LYZL4: variants seen among roughly 807,000 people sequenced by gnomAD.
LYZL4 encodes lysozyme like 4, also known as lysozyme-like protein 4.
LYZL4 carries 13 observed loss-of-function variants against 17.6 expected under a neutral mutation model. That is an observed-to-expected ratio of 0.74 (90% CI 0.48 to 1.18). The LOEUF is 1.18. Among genes scored for constraint, LYZL4 ranks in the 50% most tolerant of loss-of-function variants. LYZL4 has a pLI of 0.00. For missense variants in LYZL4, 174 were observed against 188.2 expected (o/e 0.92, Z 0.44); for synonymous variants, 64 against 67.7 (o/e 0.95, Z 0.27).
the LYZL4 span, among the ~76,000 whole-genome samples, chr3:42,382,096 A>G: frequency 1.3e-5 from 2 of 152,252 alleles, no homozygotes; most frequent in African/African-American, 4.8e-5. Context: ...TAGGACACAT[A>G]CGGATCACCT....
At chr3:42,375,286 G>A in the LYZL4 span, among the ~76,000 whole-genome samples, 2 of 152,040 alleles carry the variant, frequency 1.3e-5, no homozygotes, top group East Asian at 1.9e-4. Flanking sequence ...TAGAATAGTC[G>A]ATCTAACCGT....
At chr3:42,384,178 A>G in the LYZL4 span, among the ~76,000 whole-genome samples, 3 of 152,328 alleles carry the variant, frequency 2.0e-5, no homozygotes, top group African/African-American at 7.2e-5. Flanking sequence ...CTAGAGGAAA[A>G]TTATTTTTGA....
intron 1 of LYZL4, among the ~76,000 whole-genome samples, chr3:42,408,475 G>A (rs1037820841): frequency 1.3e-5 from 2 of 152,046 alleles, no homozygotes; most frequent in South Asian, 2.1e-4. Flanking sequence ...GCCTCACCCC[G>A]GGTGCCAACT....
At chr3:42,394,535 A>G (rs920375369), downstream of LYZL4, among the ~76,000 whole-genome samples, 4 of 152,204 alleles carry the variant, frequency 2.6e-5, no homozygotes, top group African/African-American at 9.7e-5. Flanking sequence ...AGGTCTGTGT[A>G]ATATTTATAT....
chr3:42,372,275 G>C, the LYZL4 span, among the ~76,000 whole-genome samples: 8 of 152,288 alleles, frequency 5.3e-5, no homozygotes, highest in East Asian at 1.5e-3. Flanking sequence ...GGTTCTGTGG[G>C]CTCCATTTTC....
the LYZL4 span, among the ~76,000 whole-genome samples, chr3:42,361,509 C>T: frequency 6.6e-6 from 1 of 151,934 alleles, no homozygotes; most frequent in African/African-American, 2.4e-5. Context: ...TTAAGGTATT[C>T]CTCTTTTAAA....
intron 1 of LYZL4, among the ~76,000 whole-genome samples, chr3:42,410,078 C>T (rs1031819908): frequency 6.6e-5 from 10 of 152,132 alleles, no homozygotes; most frequent in African/African-American, 1.9e-4. Flanking sequence ...TCAAAGAAGA[C>T]GGTCTTTATT....
At chr3:42,394,212 G>T (rs1190030208), downstream of LYZL4, among the ~76,000 whole-genome samples, 1 of 152,222 alleles carries the variant, frequency 6.6e-6, no homozygotes. Flanking sequence ...TGTGAACTGG[G>T]CACCAACACG....
the LYZL4 span, among the ~76,000 whole-genome samples, chr3:42,372,631 G>T: frequency 1.3e-5 from 2 of 152,230 alleles, no homozygotes; most frequent in African/African-American, 2.4e-5. Context: ...GGGTGAGGAA[G>T]TTGAGGTATT....
chr3:42,393,170 G>A (rs1698509954), downstream of LYZL4, among the ~76,000 whole-genome samples: 1 of 152,188 alleles, frequency 6.6e-6, no homozygotes, highest in African/African-American at 2.4e-5. Flanking sequence ...CTCACCTTTA[G>A]CTCAGAAGTG....
At chr3:42,393,853 G>A (rs189606164), downstream of LYZL4, among the ~76,000 whole-genome samples, 31 of 152,264 alleles carry the variant, frequency 2.0e-4, no homozygotes, top group African/African-American at 4.6e-4. Context: ...GCGCAGTGGC[G>A]TGATCTCGGC....
At chr3:42,369,321 ACT>A in the LYZL4 span, among the ~76,000 whole-genome samples, 1 of 152,038 alleles carries the variant, frequency 6.6e-6, no homozygotes, top group African/African-American at 2.4e-5. Context: ...TTGTTATGTA[ACT>A]CTCCAATTAA....
At chr3:42,384,980 A>G in the LYZL4 span, among the ~76,000 whole-genome samples, 1 of 152,186 alleles carries the variant, frequency 6.6e-6, no homozygotes, top group Non-Finnish European at 1.5e-5. Flanking sequence ...GTGGAACAAG[A>G]GAGAAAAATG....
chr3:42,372,243 A>T, the LYZL4 span, among the ~76,000 whole-genome samples: 1 of 152,232 alleles, frequency 6.6e-6, no homozygotes, highest in Admixed American at 6.5e-5. Flanking sequence ...TTCGAATTCA[A>T]ATCCTAACTC....
the LYZL4 span, among the ~76,000 whole-genome samples, chr3:42,369,653 G>C: frequency 1.1e-4 from 17 of 152,212 alleles, no homozygotes; most frequent in Non-Finnish European, 1.6e-4. Flanking sequence ...AGGGCTGATG[G>C]CTTCAGCATC....
intron 3 of LYZL4, among the ~76,000 whole-genome samples, chr3:42,405,848 G>A (rs771659766): frequency 5.9e-5 from 9 of 152,096 alleles, no homozygotes; most frequent in Non-Finnish European, 1.2e-4. Context: ...ATAGAATGGG[G>A]ATAACGGTAC....
chr3:42,397,644 G>A (rs865857379), intron 4 of LYZL4, among the ~76,000 whole-genome samples: 17 of 152,246 alleles, frequency 1.1e-4, no homozygotes, highest in African/African-American at 4.1e-4. Flanking sequence ...ACCCTGCAAC[G>A]GAGGTATCAT....
intron 4 of LYZL4, among the ~76,000 whole-genome samples, chr3:42,398,150 G>A (rs930261345): frequency 6.6e-6 from 1 of 152,094 alleles, no homozygotes; most frequent in Non-Finnish European, 1.5e-5. Context: ...GAAATCCCAA[G>A]GCTCTCCATA....
chr3:42,386,533 A>G, the LYZL4 span, among the ~76,000 whole-genome samples: 4 of 151,916 alleles, frequency 2.6e-5, no homozygotes, highest in African/African-American at 9.7e-5. Context: ...TTTTCCATAA[A>G]AGGTCACATA....
Sources: gnomAD v4.1 joint callset for allele counts (sites outside exome capture counted in the v4.1 genomes callset) on GRCh38, gnomAD v4.1.1 for gene constraint, MANE v1.5 for transcripts, NCBI Gene and HGNC (gene_info 2026-07-23, HGNC 2026-07-21) for gene names.